Variants in RBM20 observed in about 807,000 individuals in gnomAD.
RBM20 encodes the protein RNA binding motif protein 20, also known as RNA-binding protein 20.
RBM20 carries 51 observed loss-of-function variants against 110.1 expected under a neutral mutation model. The observed-to-expected ratio is 0.46, with a 90% CI of 0.37 to 0.59. The LOEUF is 0.59. Among genes scored for constraint, RBM20 ranks in the 20% least tolerant of loss-of-function variants. The pLI is 0.00. For synonymous variants in RBM20, 589 were observed against 618.2 expected, an observed-to-expected ratio of 0.95 and a Z score of 0.70; for missense variants, 1,512 against 1,574.9, an observed-to-expected ratio of 0.96 and a Z score of 0.68.
intron 7 of RBM20, among the ~76,000 whole-genome samples, chr10:110,801,881 C>T (rs555747777): frequency 8.5e-5 from 13 of 152,052 alleles, no homozygotes; most frequent in East Asian, 1.9e-4. Flanking sequence ...CCCCTAATTG[C>T]GCATGGAGAT....
chr10:110,807,367 C>T (rs180822574), intron 7 of RBM20, among the ~76,000 whole-genome samples: 6 of 152,312 alleles, frequency 3.9e-5, no homozygotes, highest in Admixed American at 3.9e-4. Context: ...CAAGGAGAGG[C>T]TCTTCTAAGC....
Position 110,780,822 on chromosome 10 carries a change from G to A in RBM20, c.213G>A (p.Lys71=). Residue 71 remains lysine, a synonymous_variant, in exon 2 of 14, where the codon AAG becomes AAA. Transcript: ENST00000369519. ...ACAGTGCCGCCAAGCTCCTGGACAA[G>A]AACCCATTCTCGGTCAGTAACCCGA... ...IIQNAAKLLD[K]NPFSVSNPNP... 1 of 1,530,870 alleles carries A rather than the reference G, an allele frequency of 6.5e-7. No individual in the cohort carries two copies. Among genetic ancestry groups the A allele is most frequent in the Non-Finnish European group, 8.8e-7 (1 of 1,134,824 alleles). 94.8% of individuals were successfully genotyped at this position (1,530,870 alleles called of 1,614,324 possible). A position where few individuals can be genotyped will look rare whatever the true frequency, so the allele number is the denominator to read the frequency against.
At chr10:110,716,631 T>A (rs368743471) in intron 1 of RBM20, among the ~76,000 whole-genome samples, 1 of 152,084 alleles carries the variant, frequency 6.6e-6, no homozygotes, top group Non-Finnish European at 1.5e-5. Context: ...AAAAGAATTA[T>A]GGCTGGGCGT....
intron 1 of RBM20, among the ~76,000 whole-genome samples, chr10:110,728,550 T>C (rs1843588139): frequency 6.6e-6 from 1 of 152,184 alleles, no homozygotes; most frequent in South Asian, 2.1e-4. Flanking sequence ...TTCAATTTTC[T>C]CTCTTTCTCC....
At chr10:110,732,746 C>T (rs1843632367) in intron 1 of RBM20, among the ~76,000 whole-genome samples, 2 of 152,136 alleles carry the variant, frequency 1.3e-5, no homozygotes, top group South Asian at 4.1e-4. Flanking sequence ...AGACTGAAAT[C>T]ATGTCAAGGG....
chr10:110,792,896 C>T (rs972773131), intron 5 of RBM20, among the ~76,000 whole-genome samples: 1 of 152,090 alleles, frequency 6.6e-6, no homozygotes, highest in Admixed American at 6.5e-5. Flanking sequence ...GCCAATTACA[C>T]AGAGAGAGAG....
At chr10:110,747,302 G>T (rs1040802348) in intron 1 of RBM20, among the ~76,000 whole-genome samples, 4 of 150,724 alleles carry the variant, frequency 2.7e-5, no homozygotes, top group Admixed American at 6.6e-5. Flanking sequence ...TTTTTGGGGG[G>T]GGGGGTCATT....
chr10:110,721,932 CA>C (rs111633280), intron 1 of RBM20, among the ~76,000 whole-genome samples: 10,911 of 152,056 alleles, frequency 0.072, 1,065 homozygotes, highest in African/African-American at 0.21. Flanking sequence ...ACTGGGGTGT[CA>C]GGGGCAGAGA....
chr10:110,809,490 T>A (rs990637223), intron 7 of RBM20, among the ~76,000 whole-genome samples: 1 of 152,184 alleles, frequency 6.6e-6, no homozygotes, highest in African/African-American at 2.4e-5. Flanking sequence ...AATTTCTTTT[T>A]AAAAATCATT....
At chr10:110,648,134 GAA>G (rs1002577974) in intron 1 of RBM20, among the ~76,000 whole-genome samples, 1 of 152,140 alleles carries the variant, frequency 6.6e-6, no homozygotes, top group African/African-American at 2.4e-5. Context: ...ATAAACAATA[GAA>G]AAAGTTTTGG....
intron 1 of RBM20, among the ~76,000 whole-genome samples, chr10:110,677,224 C>T (rs1862351854): frequency 1.3e-5 from 2 of 152,162 alleles, no homozygotes; most frequent in Non-Finnish European, 2.9e-5. Flanking sequence ...CATAATAACC[C>T]ATTAATCCAT....
intron 11 of RBM20, 140 bp downstream of exon 11, chr10:110,822,075 C>T: frequency 2.3e-6 from 2 of 864,444 alleles, no homozygotes; most frequent in South Asian, 3.3e-5. Flanking sequence ...AGTGATTTAG[C>T]AACAAAGGCA....
rs977919693 is a variant in RBM20 at position 110,838,803 on chromosome 10, C to T, written c.*2825C>T. Reference sequence around the variant, plus strand: ...GCTATCTGCCTTCAATCAGAACCTTCGGTTTAAAATCATCTAAGAGTCTAT... The same window carrying T: ...GCTATCTGCCTTCAATCAGAACCTTTGGTTTAAAATCATCTAAGAGTCTAT... On this transcript the variant is annotated 3_prime_UTR_variant, in exon 14 of 14. Coordinates refer to ENST00000369519, the MANE Select transcript of RBM20 (RefSeq NM_001134363.3). The T allele has an allele frequency of 2.0e-5, 3 of 152,176 alleles. No homozygotes were observed. Among genetic ancestry groups the T allele is most frequent in the Non-Finnish European group, 2.9e-5 (2 of 68,050 alleles). The allele number at this position is 152,176 out of a possible 1,614,324, so 9.4% of individuals were successfully genotyped here.
intron 1 of RBM20, among the ~76,000 whole-genome samples, chr10:110,771,920 T>G (rs1395950714): frequency 6.6e-6 from 1 of 152,240 alleles, no homozygotes; most frequent in East Asian, 1.9e-4. Flanking sequence ...ATGCTTTGCA[T>G]AGCAGTTTTA....
intron 1 of RBM20, among the ~76,000 whole-genome samples, chr10:110,679,440 C>A (rs1001762179): frequency 5.3e-5 from 8 of 152,060 alleles, no homozygotes; most frequent in Non-Finnish European, 4.4e-5. Context: ...CAGGTGATCT[C>A]AAACTAGTGG....
chr10:110,788,339 ATTC>A (rs1259547817), intron 5 of RBM20, among the ~76,000 whole-genome samples: 4 of 152,188 alleles, frequency 2.6e-5, no homozygotes, highest in Non-Finnish European at 5.9e-5. Flanking sequence ...TGGTATCCAC[ATTC>A]TTCTGCACCC....
intron 1 of RBM20, among the ~76,000 whole-genome samples, chr10:110,696,592 C>G (rs985566096): frequency 1.6e-4 from 25 of 152,152 alleles, no homozygotes; most frequent in African/African-American, 5.1e-4. Flanking sequence ...ACTCACTGGG[C>G]TGGATCTAGG....
At chr10:110,790,734 G>A (rs1196726272) in intron 5 of RBM20, among the ~76,000 whole-genome samples, 3 of 152,050 alleles carry the variant, frequency 2.0e-5, no homozygotes, top group African/African-American at 4.8e-5. Context: ...ACATCAGAAC[G>A]TAAATAGTTC....
chr10:110,657,754 T>C (rs1363388095), intron 1 of RBM20, among the ~76,000 whole-genome samples: 2 of 152,242 alleles, frequency 1.3e-5, no homozygotes, highest in Non-Finnish European at 2.9e-5. Context: ...TTCCAGGTTT[T>C]GGCTATTACA....
Sources: allele counts gnomAD v4.1 joint callset (sites outside exome capture counted in the v4.1 genomes callset), GRCh38; gene constraint gnomAD v4.1.1; transcripts MANE v1.5; gene names NCBI Gene and HGNC (gene_info 2026-07-23, HGNC 2026-07-21).